Variants in AJAP1 observed in about 807,000 individuals in gnomAD.
AJAP1 encodes the protein adherens junctions associated protein 1.
In AJAP1, 5 loss-of-function variants were observed where a neutral mutation model predicts 35.0. The ratio of observed to expected loss-of-function variants is 0.14; its 90% CI spans 0.07 to 0.30. The LOEUF (loss-of-function observed/expected upper bound fraction) is 0.30, where lower values mean the gene tolerates loss of function less well. AJAP1 is among the 10% of genes least tolerant of loss of function. The pLI is 1.00. For synonymous variants in AJAP1, 284 were observed against 249.3 expected (o/e 1.14, Z -1.31); for missense variants, 586 against 571.0 (o/e 1.03, Z -0.27).
rs1322278018 is a variant in AJAP1, at chr1:4,693,568, G to A, written c.30-18332G>A. 6.6e-6 allele frequency among the ~76,000 whole-genome samples: 1 copy of A among 152,252 alleles called. No individual in the cohort carries two copies. The highest frequency in any genetic ancestry group is 1.5e-5 in the Non-Finnish European group (1 of 68,042). ...GGCATCAGGGGACTGGGAGCGGGAGGGGAGGAAGAGTTGCCAGCTCATGTC... is the reference window on the plus strand; with the variant it reads ...GGCATCAGGGGACTGGGAGCGGGAGAGGAGGAAGAGTTGCCAGCTCATGTC... On this transcript the variant is annotated intron_variant, in intron 1 of 5. Coordinates refer to ENST00000378191, the MANE Select transcript of AJAP1 (RefSeq NM_018836.4). The surrounding 1 kb of genome is among the most constrained non-coding windows in gnomAD (Gnocchi z 4.4).
rs147104729 is a variant in AJAP1 at position 4,741,027 on chromosome 1, C to T, written c.829+28328C>T. 6.8e-3 allele frequency among the ~76,000 whole-genome samples: 1,032 copies of T among 152,038 alleles called. 5 individuals carry two copies. Among genetic ancestry groups the T allele is most frequent in the Non-Finnish European group, 8.8e-3 (598 of 67,976 alleles). ...GTCCGACTCTGCAACTACAAAGTCT[C>T]GTTGAAAGCCTGGGGGCCATGGCCA... On this transcript the variant is annotated intron_variant, in intron 2 of 5. Coordinates refer to ENST00000378191, the MANE Select transcript of AJAP1 (RefSeq NM_018836.4).
chr1:4,684,604 C>T (rs959100368), intron 1 of AJAP1, among the ~76,000 whole-genome samples: 1 of 152,136 alleles, frequency 6.6e-6, no homozygotes, highest in Admixed American at 6.5e-5. Context: ...TGGGTAGAAT[C>T]TTGGGTTGAG....
In AJAP1 at chr1:4,758,457, G is replaced by T. The variant is rs180735185; in HGVS notation, c.830-11396G>T. ...ACTTACAATCATGGCAGAAGTTGAC[G>T]AGGAAGCAAGGCACCTTCTTCACAA... On this transcript the variant is annotated intron_variant, in intron 2 of 5. Coordinates refer to ENST00000378191, the MANE Select transcript of AJAP1 (RefSeq NM_018836.4). Among the ~76,000 whole-genome samples, 4 of 152,174 alleles carry T rather than the reference G, an allele frequency of 2.6e-5. No homozygotes were observed. The East Asian group carries it at 5.8e-4, about 22-fold the overall frequency.
chr1:4,702,626 G>A (rs1640013485), intron 1 of AJAP1, among the ~76,000 whole-genome samples: 1 of 152,188 alleles, frequency 6.6e-6, no homozygotes, highest in Non-Finnish European at 1.5e-5. Flanking sequence ...GGGGCGTCCT[G>A]GGGCTCCCGG....
chr1:4,787,788 G>C lies in AJAP1; in HGVS notation c.*5303G>C, dbSNP rs1368445628. On this transcript the variant is annotated 3_prime_UTR_variant, in exon 6 of 6. Transcript: ENST00000378191. ...CAACGTCAGCGACTTGGCCCACGGGGCACGGGCACCTTGGGGATGCCATTC... is the reference window on the plus strand; with the variant it reads ...CAACGTCAGCGACTTGGCCCACGGGCCACGGGCACCTTGGGGATGCCATTC... The C allele has an allele frequency of 2.2e-6, 1 of 454,150 alleles. No individual in the cohort carries two copies. Among genetic ancestry groups the C allele is most frequent in the African/African-American group, 2.0e-5 (1 of 50,054 alleles). The allele number at this position is 454,150 out of a possible 1,614,324, so 28.1% of individuals were successfully genotyped here.
intron 1 of AJAP1, among the ~76,000 whole-genome samples, chr1:4,657,419 C>T (rs1187063648): frequency 1.3e-5 from 2 of 152,016 alleles, no homozygotes; most frequent in Non-Finnish European, 2.9e-5. Context: ...TGTCTCCTGG[C>T]CAGAGAAGGA....
At chr1:4,686,670 C>T (rs903689795) in intron 1 of AJAP1, among the ~76,000 whole-genome samples, 5 of 152,188 alleles carry the variant, frequency 3.3e-5, no homozygotes, top group African/African-American at 1.2e-4. Context: ...GATCTCAACG[C>T]CATGAAATAA....
intron 1 of AJAP1, among the ~76,000 whole-genome samples, chr1:4,674,427 A>G (rs187307639): frequency 1.3e-5 from 2 of 152,370 alleles, no homozygotes; most frequent in South Asian, 2.1e-4. Flanking sequence ...ACTGATTTTC[A>G]TAAGGACAGA....
intron 2 of AJAP1, among the ~76,000 whole-genome samples, chr1:4,754,183 G>A (rs973098823): frequency 4.6e-5 from 7 of 152,110 alleles, no homozygotes; most frequent in Non-Finnish European, 7.3e-5. Flanking sequence ...AAAGGATAAC[G>A]GTTTGCAACA....
intron 2 of AJAP1, among the ~76,000 whole-genome samples, chr1:4,753,275 G>A (rs1016434627): frequency 4.6e-5 from 7 of 152,158 alleles, no homozygotes; most frequent in Non-Finnish European, 8.8e-5. Context: ...GCCCCTGGAA[G>A]CTACATTAAG....
Position 4,734,044 on chromosome 1 carries a change from C to G in AJAP1, c.829+21345C>G, listed in dbSNP as rs1640862480. ...CCAATTAGCGGCTTTTGTAAGCGAT[C>G]ACGTACCGAGTATTGACTTGGCTCA... On this transcript the variant is annotated intron_variant, in intron 2 of 5. Coordinates refer to ENST00000378191, the MANE Select transcript of AJAP1 (RefSeq NM_018836.4). The surrounding 1 kb of genome is among the most constrained non-coding windows in gnomAD (Gnocchi z 4.3). Among the ~76,000 whole-genome samples, 2 of 152,186 alleles carry G rather than the reference C, an allele frequency of 1.3e-5. No homozygotes were observed. Among genetic ancestry groups the G allele is most frequent in the Non-Finnish European group, 2.9e-5 (2 of 68,036 alleles).
intron 2 of AJAP1, among the ~76,000 whole-genome samples, chr1:4,729,434 G>C (rs1476802897): frequency 6.6e-6 from 1 of 152,196 alleles, no homozygotes; most frequent in Non-Finnish European, 1.5e-5. Flanking sequence ...TCGGCTCCTG[G>C]CCTCTGAGCT....
At chr1:4,729,849 C>T (rs1421654636) in intron 2 of AJAP1, among the ~76,000 whole-genome samples, 1 of 152,192 alleles carries the variant, frequency 6.6e-6, no homozygotes, top group Non-Finnish European at 1.5e-5. Flanking sequence ...CCCTGATCAC[C>T]CAGGATGAGC....
chr1:4,696,270 G>A (rs1639857029), intron 1 of AJAP1, among the ~76,000 whole-genome samples: 1 of 152,196 alleles, frequency 6.6e-6, no homozygotes, highest in Admixed American at 6.5e-5. Flanking sequence ...CTGCTCAGAA[G>A]CACCAGGGCT....
chr1:4,702,306 A>T (rs767717623), intron 1 of AJAP1, among the ~76,000 whole-genome samples: 2 of 152,194 alleles, frequency 1.3e-5, no homozygotes, highest in Non-Finnish European at 2.9e-5. Flanking sequence ...AGGCCAGCTC[A>T]CTGTGACTTG....
Position 4,720,540 on chromosome 1 carries a change from C to G in AJAP1, c.829+7841C>G, listed in dbSNP as rs1640493363. 6.6e-6 allele frequency among the ~76,000 whole-genome samples: 1 copy of G among 152,148 alleles called. No individual in the cohort carries two copies. The highest frequency in any genetic ancestry group is 2.4e-5 in the African/African-American group (1 of 41,438). On this transcript the variant is annotated intron_variant, in intron 2 of 5. Coordinates refer to ENST00000378191, the MANE Select transcript of AJAP1 (RefSeq NM_018836.4). This position sits in a 1 kb window ranked among gnomAD's most constrained non-coding sequence, Gnocchi z 4.4. The stretch of plus-strand genomic sequence containing the variant: ...GGTGTCCTTGGCTCCACCATGTGAC[C>G]CCATGGTCCTCTGAATCTTTGCCTG...
Position 4,772,779 on chromosome 1 carries a change from C to T in AJAP1, c.1163+254C>T, listed in dbSNP as rs12737329. 0.019 allele frequency among the ~76,000 whole-genome samples: 2,832 copies of T among 152,260 alleles called. 41 individuals carry two copies. Among genetic ancestry groups the T allele is most frequent in the Non-Finnish European group, 0.028 (1,877 of 68,018 alleles). ...CCAGACCCCTGGACGTGGGCAGTGG[C>T]GGGAAATGCATAGTCTCCCAGCCCT... is the stretch of plus-strand genomic sequence containing the variant. On this transcript the variant is annotated intron_variant, in intron 4 of 5. Transcript: ENST00000378191.
rs1286974248 is a variant in AJAP1 at position 4,782,347 on chromosome 1, G to T, written c.*60-198G>T. Among the ~76,000 whole-genome samples, 1 of 152,154 alleles carries T rather than the reference G, an allele frequency of 6.6e-6. No individual in the cohort carries two copies. The highest frequency in any genetic ancestry group is 1.5e-5 in the Non-Finnish European group (1 of 68,028). ...CTTGGGATTCCCAGTGTTTCTTCCA[G>T]TTCCTGCTGACCAGTTCTAGTGAGG... On this transcript the variant is annotated intron_variant, in intron 5 of 5. Coordinates refer to ENST00000378191, the MANE Select transcript of AJAP1 (RefSeq NM_018836.4). This position sits in a 1 kb window ranked among gnomAD's most constrained non-coding sequence, Gnocchi z 5.3.
chr1:4,696,036 G>A (rs1033065311), intron 1 of AJAP1, among the ~76,000 whole-genome samples: 8 of 152,124 alleles, frequency 5.3e-5, no homozygotes, highest in African/African-American at 1.9e-4. Context: ...ACCCTGTCCT[G>A]AGTGGAGAAT....
Sources: allele counts gnomAD v4.1 joint callset (sites outside exome capture counted in the v4.1 genomes callset), GRCh38; gene constraint gnomAD v4.1.1; non-coding constraint Gnocchi (gnomAD v3.1); transcripts MANE v1.5; gene names NCBI Gene and HGNC (gene_info 2026-07-23, HGNC 2026-07-21).